UNC13B: variants seen among roughly 807,000 people sequenced by gnomAD.
UNC13B encodes protein unc-13 homolog B.
A neutral mutation model predicts 211.0 loss-of-function variants in UNC13B; 144 were observed. The ratio of observed to expected loss-of-function variants is 0.68; its 90% CI spans 0.60 to 0.78. The LOEUF (loss-of-function observed/expected upper bound fraction) is 0.78. Among genes scored for constraint, UNC13B ranks in the 30% least tolerant of loss-of-function variants. The pLI, the probability that UNC13B is intolerant of heterozygous loss-of-function variation, is 0.00. For synonymous variants in UNC13B, 709 were observed against 725.8 expected, an observed-to-expected ratio of 0.98 and a Z score of 0.37; for missense variants, 1,777 against 2,002.0, an observed-to-expected ratio of 0.89 and a Z score of 2.14.
intron 11 of UNC13B, among the ~76,000 whole-genome samples, chr9:35,337,643 A>C (rs1160474992): frequency 6.6e-6 from 1 of 152,170 alleles, no homozygotes; most frequent in Non-Finnish European, 1.5e-5. Flanking sequence ...AGTACCTCAT[A>C]TCAGATACTT....
chr9:35,309,588 G>T (rs1379190692), intron 9 of UNC13B, among the ~76,000 whole-genome samples: 2 of 152,154 alleles, frequency 1.3e-5, no homozygotes, highest in Non-Finnish European at 2.9e-5. Context: ...TGCCCTTCTT[G>T]CCACTGTCAC....
Position 35,300,411 on chromosome 9 carries a change from A to G in UNC13B, c.1007A>G (p.Lys336Arg), listed in dbSNP as rs1325344655. The change falls in exon 9 of 40, where the codon AAG (lysine) becomes AGG (arginine). Residue 336 changes from lysine to arginine, a missense_variant. Coordinates refer to ENST00000635942, the MANE Select transcript of UNC13B (RefSeq NM_001371189.2). ...GTTAAGAGTGGCATGCAGCGCATTA[A>G]GTTGGAAAGTCATGATTATGATCTG... Reference protein sequence around the residue: ...FVVKSGMQRIKLESHDYDLSS... With the variant: ...FVVKSGMQRIRLESHDYDLSS... 1.3e-5 allele frequency: 5 copies of G among 398,918 alleles called. No homozygotes were observed. Among genetic ancestry groups the G allele is most frequent in the Non-Finnish European group, 2.2e-5 (5 of 226,038 alleles). The allele number at this position is 398,918 out of a possible 1,614,324, so 24.7% of individuals were successfully genotyped here.
At chr9:35,162,373 C>A in intron 1 of UNC13B, 68 bp downstream of exon 1, 3 of 1,465,002 alleles carry the variant, frequency 2.0e-6, no homozygotes, top group Non-Finnish European at 2.7e-6. Flanking sequence ...TTCCAGTGGA[C>A]GTCCGGTGAC....
intron 1 of UNC13B, among the ~76,000 whole-genome samples, chr9:35,165,360 G>A (rs1820977740): frequency 6.6e-6 from 1 of 151,482 alleles, no homozygotes; most frequent in South Asian, 2.1e-4. Context: ...TTGAATGAGT[G>A]GTAAGGATTC....
At chr9:35,268,635 A>C (rs574206572) in intron 7 of UNC13B, among the ~76,000 whole-genome samples, 1 of 152,186 alleles carries the variant, frequency 6.6e-6, no homozygotes, top group South Asian at 2.1e-4. Context: ...AATTTCCTAA[A>C]ATCTGGATTT....
intron 7 of UNC13B, among the ~76,000 whole-genome samples, chr9:35,281,334 T>G: frequency 6.7e-6 from 1 of 150,326 alleles, no homozygotes; most frequent in Non-Finnish European, 1.5e-5. Context: ...GAGAATTGCT[T>G]GAACGCTAGG....
chr9:35,189,868 T>A (rs1184810161), intron 1 of UNC13B, among the ~76,000 whole-genome samples: 1 of 152,146 alleles, frequency 6.6e-6, no homozygotes, highest in Non-Finnish European at 1.5e-5. Flanking sequence ...ATGGGGTTTT[T>A]CCATGTTGGT....
At chr9:35,386,965 A>G (rs1422935679) in intron 24 of UNC13B, among the ~76,000 whole-genome samples, 9 of 152,188 alleles carry the variant, frequency 5.9e-5, no homozygotes, top group Non-Finnish European at 1.3e-4. Context: ...TACAGTTCCA[A>G]TCTTAGGAGT....
chr9:35,297,562 T>C (rs1404506561), intron 8 of UNC13B, among the ~76,000 whole-genome samples: 1 of 133,150 alleles, frequency 7.5e-6, no homozygotes, highest in Non-Finnish European at 1.7e-5. Flanking sequence ...TTTTTTTTTT[T>C]TTTTTGAGAC....
At chr9:35,363,668 G>A (rs554362707) in intron 11 of UNC13B, among the ~76,000 whole-genome samples, 1 of 152,354 alleles carries the variant, frequency 6.6e-6, no homozygotes, top group Admixed American at 6.5e-5. Context: ...ATGGACCAAG[G>A]TGGGTGGACT....
rs1484077243 is a variant in UNC13B, at chr9:35,403,334, C to T, written c.12577+75C>T. ...TCATCACTCAAAAGCAGGGGCTGCT[C>T]ATCCCAGCCCTCCAGCTCAGCCCTC... On this transcript the variant is annotated intron_variant, in intron 38 of 39. Transcript: ENST00000635942. The T allele has an allele frequency of 4.4e-6, 7 of 1,597,584 alleles. No homozygotes were observed. In the African/African-American group the frequency reaches 9.4e-5, roughly 21 times the overall value.
chr9:35,307,270 A>G lies in UNC13B; in HGVS notation c.7866A>G (p.Gly2622=), dbSNP rs1829970687. The change falls in exon 9 of 40, where the codon GGA becomes GGG. Residue 2622 remains glycine (G), a synonymous_variant. Coordinates refer to ENST00000635942, the MANE Select transcript of UNC13B (RefSeq NM_001371189.2). ...TCTCGGGTGATGATACTGGGCAAGG[A>G]GTATTGTCTCTGAGTGATGAAGGAG... ...SSFSGDDTGQ[G]VLSLSDEGDM... is the part of the protein sequence containing the mutation. 1 of 398,924 alleles carries G rather than the reference A, an allele frequency of 2.5e-6. No homozygotes were observed. The highest frequency in any genetic ancestry group is 4.4e-5 in the Admixed American group (1 of 22,718). 24.7% of individuals were successfully genotyped at this position (398,924 alleles called of 1,614,324 possible).
At chr9:35,267,165 G>A (rs776235832) in intron 7 of UNC13B, among the ~76,000 whole-genome samples, 14 of 152,204 alleles carry the variant, frequency 9.2e-5, no homozygotes, top group Non-Finnish European at 1.9e-4. Context: ...TCAAAGAGGG[G>A]ATGGCTAGGT....
chr9:35,351,292 A>G (rs1832702965), intron 11 of UNC13B: 9 of 1,195,860 alleles, frequency 7.5e-6, no homozygotes, highest in Non-Finnish European at 9.3e-6. Context: ...CTTTTTCACT[A>G]GCTACAGGAT....
At chr9:35,263,711 A>G (rs532599005) in intron 7 of UNC13B, among the ~76,000 whole-genome samples, 1 of 152,142 alleles carries the variant, frequency 6.6e-6, no homozygotes, top group Non-Finnish European at 1.5e-5. Context: ...CAATATTATT[A>G]TATTTGGAGA....
chr9:35,233,144 G>C (rs535379681), intron 3 of UNC13B, among the ~76,000 whole-genome samples: 1 of 152,052 alleles, frequency 6.6e-6, no homozygotes, highest in East Asian at 1.9e-4. Context: ...GCTACAAATG[G>C]TTTATGCAAG....
intron 11 of UNC13B, chr9:35,351,670 G>A (rs1008214634): frequency 1.1e-5 from 13 of 1,232,154 alleles, no homozygotes; most frequent in Non-Finnish European, 1.3e-5. Context: ...CCTTACCAGA[G>A]GACAACTCCC....
intron 11 of UNC13B, among the ~76,000 whole-genome samples, chr9:35,334,689 A>G (rs1385740122): frequency 2.0e-5 from 3 of 152,236 alleles, no homozygotes; most frequent in Non-Finnish European, 4.4e-5. Context: ...CTTAGCATCA[A>G]TTCCTCCTGA....
chr9:35,167,595 T>G (rs1204101341), intron 1 of UNC13B, among the ~76,000 whole-genome samples: 1 of 147,250 alleles, frequency 6.8e-6, no homozygotes, highest in Non-Finnish European at 1.5e-5. Context: ...GGTTTTTTTT[T>G]TTTTTTTTTT....
Sources: gnomAD v4.1 joint callset for allele counts (sites outside exome capture counted in the v4.1 genomes callset) on GRCh38, gnomAD v4.1.1 for gene constraint, MANE v1.5 for transcripts, NCBI Gene and HGNC (gene_info 2026-07-23, HGNC 2026-07-21) for gene names.